Variants in ZNF438 observed in about 807,000 individuals in gnomAD.
ZNF438 encodes the protein zinc finger protein 438.
ZNF438 carries 25 observed loss-of-function variants against 38.0 expected under a neutral mutation model. The ratio of observed to expected loss-of-function variants is 0.66; its 90% CI spans 0.48 to 0.92. The LOEUF is 0.92. Among genes scored for constraint, ZNF438 ranks in the 40% least tolerant of loss-of-function variants. The pLI, the probability that ZNF438 is intolerant of heterozygous loss-of-function variation, is 0.00. For missense variants in ZNF438, 1,007 were observed against 999.6 expected, an observed-to-expected ratio of 1.01 and a Z score of -0.10; for synonymous variants, 372 against 364.1, an observed-to-expected ratio of 1.02 and a Z score of -0.25.
intron 1 of ZNF438, among the ~76,000 whole-genome samples, chr10:31,025,836 T>C (rs2056901758): frequency 6.6e-6 from 1 of 152,200 alleles, no homozygotes; most frequent in African/African-American, 2.4e-5. Flanking sequence ...GTGCTACTTA[T>C]ATAAATTATT....
At chr10:30,962,963 C>A (rs2049662972) in intron 1 of ZNF438, among the ~76,000 whole-genome samples, 1 of 152,150 alleles carries the variant, frequency 6.6e-6, no homozygotes, top group Admixed American at 6.5e-5. Flanking sequence ...CTAAAATGCA[C>A]TAATGGGTTT....
chr10:31,014,847 T>TGC (rs1418004288), intron 1 of ZNF438, among the ~76,000 whole-genome samples: 46 of 62,226 alleles, frequency 7.4e-4, no homozygotes, highest in African/African-American at 3.7e-3. Context: ...TGTGTGTATG[T>TGC]GTGTGTGTGT....
At chr10:30,990,836 T>C (rs1291480368) in intron 1 of ZNF438, among the ~76,000 whole-genome samples, 1 of 151,636 alleles carries the variant, frequency 6.6e-6, no homozygotes, top group Non-Finnish European at 1.5e-5. Flanking sequence ...GTAACCTGTA[T>C]AGATTAAGAG....
intron 2 of ZNF438, among the ~76,000 whole-genome samples, chr10:30,926,477 C>G (rs1187567445): frequency 6.6e-6 from 1 of 152,048 alleles, no homozygotes; most frequent in Non-Finnish European, 1.5e-5. Context: ...ACTAGCCTGG[C>G]CAATATGGTG....
intron 1 of ZNF438, among the ~76,000 whole-genome samples, chr10:30,991,109 C>A (rs2053439147): frequency 1.3e-5 from 2 of 152,192 alleles, no homozygotes; most frequent in Admixed American, 6.5e-5. Context: ...CCTTACCTCC[C>A]CTGCACCTCC....
At chr10:30,998,192 A>G (rs941124911) in intron 1 of ZNF438, among the ~76,000 whole-genome samples, 11 of 152,276 alleles carry the variant, frequency 7.2e-5, no homozygotes, top group Non-Finnish European at 1.0e-4. Context: ...TGAAACTCAT[A>G]TAGATCCATT....
At chr10:30,987,070 G>A (rs1323992946) in intron 1 of ZNF438, among the ~76,000 whole-genome samples, 2 of 151,974 alleles carry the variant, frequency 1.3e-5, no homozygotes, top group African/African-American at 4.8e-5. Context: ...TCAAAATTGG[G>A]GGAAACATAT....
intron 3 of ZNF438, among the ~76,000 whole-genome samples, chr10:30,888,778 G>A (rs1352897558): frequency 2.0e-5 from 3 of 152,168 alleles, no homozygotes; most frequent in Non-Finnish European, 4.4e-5. Context: ...TACCACTGAT[G>A]GGCATTTTAG....
At chr10:30,880,961 T>A (rs1400045077) in intron 3 of ZNF438, among the ~76,000 whole-genome samples, 1 of 152,116 alleles carries the variant, frequency 6.6e-6, no homozygotes, top group Non-Finnish European at 1.5e-5. Flanking sequence ...CAACCCTTTA[T>A]AAATTAAGAA....
intron 1 of ZNF438, among the ~76,000 whole-genome samples, chr10:31,026,142 G>C (rs1464487188): frequency 6.6e-6 from 1 of 152,152 alleles, no homozygotes; most frequent in Non-Finnish European, 1.5e-5. Context: ...AACCCTGGAA[G>C]AAAACCTAGG....
chr10:30,960,912 GT>G (rs1165182563), intron 1 of ZNF438, among the ~76,000 whole-genome samples: 1 of 146,038 alleles, frequency 6.8e-6, no homozygotes, highest in African/African-American at 2.4e-5. Flanking sequence ...GTAAAATTAA[GT>G]TTTCCCACCC....
At chr10:31,005,987 T>C (rs1206967435) in intron 1 of ZNF438, among the ~76,000 whole-genome samples, 2 of 152,234 alleles carry the variant, frequency 1.3e-5, no homozygotes, top group Non-Finnish European at 2.9e-5. Context: ...TATTAACAGA[T>C]TGTGGTACAC....
At chr10:30,918,753 C>T (rs2043939263) in intron 2 of ZNF438, among the ~76,000 whole-genome samples, 1 of 152,154 alleles carries the variant, frequency 6.6e-6, no homozygotes, top group South Asian at 2.1e-4. Flanking sequence ...AATATACATG[C>T]TGGAAATCAG....
At chr10:30,934,250 A>C (rs1440889972) in intron 2 of ZNF438, among the ~76,000 whole-genome samples, 1 of 151,988 alleles carries the variant, frequency 6.6e-6, no homozygotes, top group African/African-American at 2.4e-5. Flanking sequence ...GCACGCACTC[A>C]GGAATCCAAG....
chr10:30,844,948 C>G, exon 6 of ZNF438: 1 of 1,609,344 alleles, frequency 6.2e-7, no homozygotes, highest in Non-Finnish European at 8.5e-7. Context: ...TAACCCCAGG[C>G]TGCCTTGGGG....
intron 1 of ZNF438, chr10:30,999,282 A>G (rs2054403738): frequency 6.6e-6 from 1 of 152,192 alleles, no homozygotes; most frequent in Non-Finnish European, 1.5e-5. Context: ...TTCCTTGGGA[A>G]AATACATCAT....
chr10:31,017,785 G>A (rs2056310641), intron 1 of ZNF438, among the ~76,000 whole-genome samples: 1 of 152,170 alleles, frequency 6.6e-6, no homozygotes, highest in Admixed American at 6.5e-5. Flanking sequence ...ACTGATTTCA[G>A]GCTTAGCCAT....
chr10:30,922,115 C>G (rs1189469013), intron 2 of ZNF438, among the ~76,000 whole-genome samples: 1 of 152,080 alleles, frequency 6.6e-6, no homozygotes, highest in Non-Finnish European at 1.5e-5. Context: ...GAAGCAGTTC[C>G]ACAATACACA....
chr10:30,856,858 T>C (rs1272404266), intron 4 of ZNF438, among the ~76,000 whole-genome samples: 1 of 152,212 alleles, frequency 6.6e-6, no homozygotes, highest in Non-Finnish European at 1.5e-5. Flanking sequence ...CATACTAAAA[T>C]AACAATTTTG....
Sources: gnomAD v4.1 joint callset for allele counts (sites outside exome capture counted in the v4.1 genomes callset) on GRCh38, gnomAD v4.1.1 for gene constraint, MANE v1.5 for transcripts, NCBI Gene and HGNC (gene_info 2026-07-23, HGNC 2026-07-21) for gene names.